GSK3B: variants seen among roughly 807,000 people sequenced by gnomAD.
The protein encoded by GSK3B is glycogen synthase kinase 3 beta.
Under a neutral mutation model 56.4 loss-of-function variants are expected in GSK3B, and 15 were observed. The observed-to-expected ratio is 0.27, with a 90% CI of 0.18 to 0.41. GSK3B has a LOEUF of 0.41. GSK3B is among the 10% of genes least tolerant of loss of function. The probability of loss-of-function intolerance (pLI) is 1.00; values close to 1 mark genes in which losing one functional copy is unlikely to be tolerated. For synonymous variants in GSK3B, 181 were observed against 188.9 expected, an observed-to-expected ratio of 0.96 and a Z score of 0.34; for missense variants, 300 against 513.4, an observed-to-expected ratio of 0.58 and a Z score of 4.02.
At position 120,034,600 on chromosome 3, in the gene GSK3B, G is replaced by A. The variant is rs74485083; in HGVS notation, c.89-32361C>T. Among the ~76,000 whole-genome samples, 1,114 of 152,188 alleles carry A rather than the reference G, an allele frequency of 7.3e-3. 18 individuals carry two copies. The highest frequency in any genetic ancestry group is 0.056 in the East Asian group (290 of 5,178). ...TGAATCTATATCCAAGCGCCACACC[G>A]TCTGGATTGATGTAAATTTTTAAAT... On this transcript the variant is annotated intron_variant, in intron 1 of 10. Transcript: ENST00000264235.
intron 1 of GSK3B, among the ~76,000 whole-genome samples, chr3:120,071,077 G>T (rs2058322738): frequency 6.6e-6 from 1 of 152,154 alleles, no homozygotes; most frequent in South Asian, 2.1e-4. Context: ...TCCAAAGAAT[G>T]GCAGTCCTTT....
At chr3:119,887,084 T>C (rs530948006) in intron 7 of GSK3B, among the ~76,000 whole-genome samples, 57 of 152,280 alleles carry the variant, frequency 3.7e-4, no homozygotes, top group African/African-American at 1.3e-3. Flanking sequence ...GAAACAGTCA[T>C]CTAACTGGCT....
intron 1 of GSK3B, among the ~76,000 whole-genome samples, chr3:120,055,350 T>C (rs997804312): frequency 1.3e-5 from 2 of 152,184 alleles, no homozygotes; most frequent in Non-Finnish European, 2.9e-5. Context: ...TTTTTCAATA[T>C]TGAAATAACC....
chr3:119,922,665 G>C (rs2056854866), intron 4 of GSK3B, among the ~76,000 whole-genome samples: 1 of 151,454 alleles, frequency 6.6e-6, no homozygotes, highest in Admixed American at 6.6e-5. Flanking sequence ...AAGACATTCA[G>C]AGTCAATGAC....
chr3:119,940,820 T>C (rs1247241559), intron 3 of GSK3B, among the ~76,000 whole-genome samples: 1 of 152,126 alleles, frequency 6.6e-6, no homozygotes, highest in Non-Finnish European at 1.5e-5. Context: ...AAATTTAAAA[T>C]ACTGGTTTAA....
chr3:119,831,009 C>A (rs1384396418), intron 10 of GSK3B, among the ~76,000 whole-genome samples: 2 of 152,166 alleles, frequency 1.3e-5, no homozygotes, highest in Non-Finnish European at 2.9e-5. Flanking sequence ...TGACAGCATA[C>A]TGCTTACCAA....
In GSK3B at chr3:119,826,666, G is replaced by T; in HGVS notation, c.*122C>A. 1.5e-6 allele frequency: 1 copy of T among 658,542 alleles called. No individual in the cohort carries two copies. The highest frequency in any genetic ancestry group is 1.5e-5 in the South Asian group (1 of 67,210). 40.8% of individuals were successfully genotyped at this position (658,542 alleles called of 1,614,324 possible). ...GAACAACAATAATAATAAAAAAATTGAACACTAAAATGAACAGGATTTTTT... is the reference window on the plus strand; with the variant it reads ...GAACAACAATAATAATAAAAAAATTTAACACTAAAATGAACAGGATTTTTT... On this transcript the variant is annotated 3_prime_UTR_variant, in exon 11 of 11. Transcript: ENST00000264235.
At chr3:119,986,601 A>C (rs2057518871) in intron 2 of GSK3B, among the ~76,000 whole-genome samples, 1 of 152,204 alleles carries the variant, frequency 6.6e-6, no homozygotes, top group African/African-American at 2.4e-5. Flanking sequence ...ATCACTGGTC[A>C]TCAGAGAAAC....
chr3:119,940,495 T>C (rs530441300), intron 3 of GSK3B, among the ~76,000 whole-genome samples: 3 of 152,162 alleles, frequency 2.0e-5, no homozygotes, highest in Non-Finnish European at 4.4e-5. Context: ...TAGAAACCTC[T>C]GATAAAAGTT....
intron 2 of GSK3B, among the ~76,000 whole-genome samples, chr3:119,996,054 T>C (rs1214243312): frequency 6.6e-6 from 1 of 152,176 alleles, no homozygotes; most frequent in Non-Finnish European, 1.5e-5. Flanking sequence ...TGAAATTATA[T>C]CAAAATAAAA....
intron 2 of GSK3B, among the ~76,000 whole-genome samples, chr3:119,967,656 T>C (rs1458028776): frequency 6.6e-6 from 1 of 152,186 alleles, no homozygotes; most frequent in Non-Finnish European, 1.5e-5. Context: ...AATAGATTTT[T>C]CAACAAATGA....
chr3:120,061,891 C>T (rs992550978), intron 1 of GSK3B, among the ~76,000 whole-genome samples: 6 of 152,040 alleles, frequency 3.9e-5, no homozygotes, highest in African/African-American at 7.2e-5. Context: ...TGCTACCACG[C>T]GCAGCTAATT....
At chr3:119,882,812 A>G (rs2056394256) in intron 7 of GSK3B, among the ~76,000 whole-genome samples, 1 of 152,120 alleles carries the variant, frequency 6.6e-6, no homozygotes, top group African/African-American at 2.4e-5. Context: ...GTTGATTTGC[A>G]TTTATTTCAC....
intron 9 of GSK3B, 129 bp from the exon 10 acceptor site, chr3:119,843,482 C>G (rs765009709): frequency 1.1e-4 from 45 of 405,838 alleles, no homozygotes; most frequent in Non-Finnish European, 2.0e-4. Context: ...GTGGCTCACG[C>G]CTGTAATCCT....
At chr3:119,953,418 T>C (rs1402667528) in intron 2 of GSK3B, among the ~76,000 whole-genome samples, 1 of 152,120 alleles carries the variant, frequency 6.6e-6, no homozygotes, top group Admixed American at 6.5e-5. Flanking sequence ...GCTGCAACTA[T>C]AATCTATCCC....
intron 5 of GSK3B, among the ~76,000 whole-genome samples, chr3:119,913,665 A>C (rs555246710): frequency 5.8e-4 from 88 of 152,128 alleles, no homozygotes; most frequent in African/African-American, 2.0e-3. Flanking sequence ...AGTGCCAAAA[A>C]AAAAAAGTAA....
chr3:119,978,251 G>A lies in GSK3B; in HGVS notation c.282+23795C>T, dbSNP rs148036697. On this transcript the variant is annotated intron_variant, in intron 2 of 10. Coordinates refer to ENST00000264235, the MANE Select transcript of GSK3B (RefSeq NM_001146156.2). ...CTCAAAATAAACCCCTCTCTGGGCC[G>A]GAAAGATGTCTGCCCCAAGATAACC... Among the ~76,000 whole-genome samples, 769 of 152,064 alleles carry A rather than the reference G, an allele frequency of 5.1e-3. 7 individuals are homozygous for A. The highest frequency in any genetic ancestry group is 0.018 in the African/African-American group (748 of 41,444).
intron 2 of GSK3B, among the ~76,000 whole-genome samples, chr3:119,995,075 CA>C (rs1362792853): frequency 2.0e-5 from 3 of 150,074 alleles, no homozygotes; most frequent in African/African-American, 7.4e-5. Context: ...TCTATAATCC[CA>C]GTACTTTAGA....
Position 119,998,438 on chromosome 3 carries a change from C to T in GSK3B, c.282+3608G>A, listed in dbSNP as rs372706577. 2.1e-4 allele frequency among the ~76,000 whole-genome samples: 32 copies of T among 152,350 alleles called. No homozygotes were observed. In the South Asian group the frequency reaches 6.0e-3, roughly 29 times the overall value. On this transcript the variant is annotated intron_variant, in intron 2 of 10. Coordinates refer to ENST00000264235, the MANE Select transcript of GSK3B (RefSeq NM_001146156.2). ...GACAAACCTTCAGATGAGACTGCAG[C>T]TCCAGCTGATGCCTGGATTCAGTCT...
Sources: gnomAD v4.1 joint callset for allele counts (sites outside exome capture counted in the v4.1 genomes callset) on GRCh38, gnomAD v4.1.1 for gene constraint, MANE v1.5 for transcripts, NCBI Gene and HGNC (gene_info 2026-07-23, HGNC 2026-07-21) for gene names.